Variants in FILIP1L observed in about 807,000 individuals in gnomAD.
The protein encoded by FILIP1L is filamin A interacting protein 1 like, also known as filamin A-interacting protein 1-like.
In FILIP1L, 55 loss-of-function variants were observed where a neutral mutation model predicts 96.6. The ratio of observed to expected loss-of-function variants is 0.57; its 90% CI spans 0.46 to 0.71. The LOEUF (loss-of-function observed/expected upper bound fraction) is 0.71. Ranked by LOEUF, FILIP1L falls within the 30% of genes least tolerant of loss-of-function variation. The pLI, the probability that FILIP1L is intolerant of heterozygous loss-of-function variation, is 0.00. For synonymous variants in FILIP1L, 467 were observed against 473.9 expected (o/e 0.99, Z 0.19); for missense variants, 1,304 against 1,321.2 (o/e 0.99, Z 0.20).
intron 1 of FILIP1L, among the ~76,000 whole-genome samples, chr3:100,074,212 A>G (rs1036835440): frequency 6.6e-6 from 1 of 152,146 alleles, no homozygotes; most frequent in African/African-American, 2.4e-5. Context: ...AGAGCTCTAA[A>G]TCTGACAGCC....
chr3:99,944,305 C>T (rs1365049183), intron 1 of FILIP1L, among the ~76,000 whole-genome samples: 1 of 152,176 alleles, frequency 6.6e-6, no homozygotes, highest in Non-Finnish European at 1.5e-5. Context: ...GAACTATGAT[C>T]CTGCCAGTTT....
At chr3:100,085,037 T>A (rs546711562) in intron 1 of FILIP1L, among the ~76,000 whole-genome samples, 1 of 152,358 alleles carries the variant, frequency 6.6e-6, no homozygotes, top group East Asian at 1.9e-4. Context: ...TAAATATGTA[T>A]GTATGGTACA....
intron 4 of FILIP1L, among the ~76,000 whole-genome samples, chr3:99,857,460 G>T (rs1944020978): frequency 6.6e-6 from 1 of 152,292 alleles, no homozygotes; most frequent in African/African-American, 2.4e-5. Context: ...TATCAACTCT[G>T]CTAACAAAGG....
intron 1 of FILIP1L, among the ~76,000 whole-genome samples, chr3:100,027,871 A>T (rs1383041597): frequency 4.6e-5 from 7 of 152,184 alleles, no homozygotes; most frequent in Admixed American, 2.0e-4. Context: ...AGAACAAGTG[A>T]AACTAGAGTT....
intron 1 of FILIP1L, among the ~76,000 whole-genome samples, chr3:99,936,923 A>G (rs1707695413): frequency 6.6e-6 from 1 of 152,052 alleles, no homozygotes; most frequent in Non-Finnish European, 1.5e-5. Context: ...TGTTTTAACT[A>G]GCTTATTTTC....
intron 1 of FILIP1L, among the ~76,000 whole-genome samples, chr3:100,041,917 G>A (rs2065211579): frequency 6.6e-6 from 1 of 152,136 alleles, no homozygotes; most frequent in South Asian, 2.1e-4. Flanking sequence ...TGAAAACTAG[G>A]ATAGAAAGGC....
chr3:99,975,915 C>T (rs1451474633), intron 1 of FILIP1L, among the ~76,000 whole-genome samples: 5 of 152,150 alleles, frequency 3.3e-5, no homozygotes, highest in South Asian at 2.1e-4. Flanking sequence ...GTTAGAGTCA[C>T]GCTCTGTTGT....
intron 5 of FILIP1L, chr3:99,833,034 G>A: frequency 1.7e-6 from 1 of 573,898 alleles, no homozygotes; most frequent in Non-Finnish European, 3.1e-6. Context: ...ACATGCATAT[G>A]GCTCTTTTAA....
intron 4 of FILIP1L, among the ~76,000 whole-genome samples, chr3:99,893,322 C>G (rs749705183): frequency 2.5e-4 from 38 of 151,940 alleles, no homozygotes; most frequent in South Asian, 2.1e-3. Flanking sequence ...CCTGCCACCA[C>G]GCCCGGCTAA....
intron 5 of FILIP1L, among the ~76,000 whole-genome samples, chr3:99,847,705 A>G (rs1253329838): frequency 1.3e-5 from 2 of 152,210 alleles, no homozygotes; most frequent in African/African-American, 4.8e-5. Flanking sequence ...TTTGCTTCTG[A>G]AAGATCTTAT....
At chr3:99,880,334 A>G (rs1233069779) in intron 4 of FILIP1L, among the ~76,000 whole-genome samples, 1 of 152,180 alleles carries the variant, frequency 6.6e-6, no homozygotes, top group Non-Finnish European at 1.5e-5. Flanking sequence ...ACTGTACTTA[A>G]AAGAGCCTTT....
intron 4 of FILIP1L, among the ~76,000 whole-genome samples, chr3:99,863,823 T>C (rs991746272): frequency 5.9e-5 from 9 of 152,238 alleles, no homozygotes; most frequent in Admixed American, 1.3e-4. Context: ...AGTTTCTTTA[T>C]GAGTACATAA....
At chr3:100,051,063 T>G (rs1473677344) in intron 1 of FILIP1L, among the ~76,000 whole-genome samples, 1 of 150,922 alleles carries the variant, frequency 6.6e-6, no homozygotes, top group Non-Finnish European at 1.5e-5. Context: ...AGTGATATTT[T>G]ATTAGTATAA....
chr3:99,947,456 C>T (rs1708045807), intron 1 of FILIP1L, among the ~76,000 whole-genome samples: 1 of 152,186 alleles, frequency 6.6e-6, no homozygotes, highest in African/African-American at 2.4e-5. Context: ...TCCAGTCCTT[C>T]CTGCCCCACC....
At chr3:100,008,197 AG>A (rs1710042498) in intron 1 of FILIP1L, among the ~76,000 whole-genome samples, 1 of 152,172 alleles carries the variant, frequency 6.6e-6, no homozygotes, top group Admixed American at 6.5e-5. Flanking sequence ...GGAAGGAAGG[AG>A]CCTTTCCATA....
intron 1 of FILIP1L, among the ~76,000 whole-genome samples, chr3:100,055,923 T>G (rs2065456920): frequency 6.6e-6 from 1 of 152,208 alleles, no homozygotes; most frequent in Non-Finnish European, 1.5e-5. Flanking sequence ...TACCCTCATT[T>G]TTCTGATAGG....
At chr3:99,961,514 G>A (rs1407326086) in intron 1 of FILIP1L, among the ~76,000 whole-genome samples, 1 of 152,092 alleles carries the variant, frequency 6.6e-6, no homozygotes, top group African/African-American at 2.4e-5. Context: ...CATTTTGCCA[G>A]CCCATGTGTG....
Position 99,848,344 on chromosome 3 carries a change from A to G in FILIP1L, c.3332T>C (p.Ile1111Thr). ...NKTTNKVTSS[I>T]TITPTATPLP... is the part of the protein sequence containing the mutation. ...AGGTGTGGCTGTTGGTGTGATAGTA[A>G]TACTGCTGGTGACTTTATTGGTTGT... is the stretch of plus-strand genomic sequence containing the variant. Residue 1111 changes from isoleucine (I) to threonine (T), a missense_variant, in exon 5 of 6, where the codon ATT (isoleucine) becomes ACT (threonine). Coordinates refer to ENST00000477258, the MANE Select transcript of FILIP1L (RefSeq NM_001387850.1). The G allele has an allele frequency of 1.2e-6, 2 of 1,614,124 alleles. No individual in the cohort carries two copies. Among genetic ancestry groups the G allele is most frequent in the Non-Finnish European group, 1.7e-6 (2 of 1,180,006 alleles).
At chr3:100,087,832 C>CTTTT (rs755041519) in intron 1 of FILIP1L, among the ~76,000 whole-genome samples, 45 of 114,098 alleles carry the variant, frequency 3.9e-4, no homozygotes, top group African/African-American at 7.1e-4. Flanking sequence ...ATTGTTTCAA[C>CTTTT]TTTTTTTTTT....
Sources: allele counts gnomAD v4.1 joint callset (sites outside exome capture counted in the v4.1 genomes callset), GRCh38; gene constraint gnomAD v4.1.1; transcripts MANE v1.5; gene names NCBI Gene and HGNC (gene_info 2026-07-23, HGNC 2026-07-21).